Variants in FMN1 observed in about 807,000 individuals in gnomAD.
FMN1 encodes formin 1.
A neutral mutation model predicts 132.4 loss-of-function variants in FMN1; 110 were observed. The ratio of observed to expected loss-of-function variants is 0.83; its 90% CI spans 0.71 to 0.97. FMN1 has a LOEUF of 0.97. Among genes scored for constraint, FMN1 ranks in the 50% least tolerant of loss-of-function variants. The pLI, the probability that FMN1 is intolerant of heterozygous loss-of-function variation, is 0.00. For synonymous variants in FMN1, 722 were observed against 651.7 expected, an observed-to-expected ratio of 1.11 and a Z score of -1.64; for missense variants, 1,792 against 1,705.3, an observed-to-expected ratio of 1.05 and a Z score of -0.90.
intron 17 of FMN1, among the ~76,000 whole-genome samples, chr15:32,823,453 T>A (rs561850520): frequency 3.9e-5 from 6 of 152,080 alleles, no homozygotes; most frequent in Admixed American, 1.3e-4. Context: ...TGTGAGCCAC[T>A]GCGCCCGGCC....
At chr15:32,921,963 G>A (rs558922473) in intron 10 of FMN1, among the ~76,000 whole-genome samples, 28 of 152,134 alleles carry the variant, frequency 1.8e-4, no homozygotes, top group African/African-American at 6.7e-4. Flanking sequence ...TGTTTTTCAC[G>A]TTTTGTTTCA....
intron 3 of FMN1, among the ~76,000 whole-genome samples, chr15:33,158,619 C>T (rs1260916025): frequency 2.0e-5 from 3 of 152,074 alleles, no homozygotes; most frequent in Non-Finnish European, 4.4e-5. Flanking sequence ...TTGTTCTGGG[C>T]CCTGGGAAGC....
intron 6 of FMN1, among the ~76,000 whole-genome samples, chr15:33,022,160 C>T (rs1409284285): frequency 6.6e-6 from 1 of 152,204 alleles, no homozygotes; most frequent in Non-Finnish European, 1.5e-5. Context: ...AATACAACGT[C>T]AATGCTATGT....
chr15:33,088,229 T>TA (rs908477350), intron 5 of FMN1, among the ~76,000 whole-genome samples: 117 of 151,832 alleles, frequency 7.7e-4, no homozygotes, highest in African/African-American at 2.6e-3. Flanking sequence ...TTAAAAAATT[T>TA]AAAAAAAACT....
At chr15:32,777,475 A>ATT (rs1567149051) in intron 19 of FMN1, among the ~76,000 whole-genome samples, 1 of 99,414 alleles carries the variant, frequency 1.0e-5, no homozygotes, top group African/African-American at 3.5e-5. Flanking sequence ...ACGTATATTT[A>ATT]TATATTATAT....
At position 32,815,109 on chromosome 15, in the gene FMN1, A is replaced by T. The variant is rs558970101; in HGVS notation, c.3929-10777T>A. Among the ~76,000 whole-genome samples the T allele has an allele frequency of 8.8e-3, 1,331 of 151,746 alleles. 18 individuals are homozygous for T. Among genetic ancestry groups the T allele is most frequent in the African/African-American group, 0.031 (1,273 of 41,346 alleles). On this transcript the variant is annotated intron_variant, in intron 17 of 20. Coordinates refer to ENST00000616417, the MANE Select transcript of FMN1 (RefSeq NM_001277313.2). ...AGGTGCCCGCCACCACGCCCGGCTA[A>T]TTTTTTGTATTTTTAGTAGAGATGG...
chr15:32,963,391 T>C (rs1005476994), intron 9 of FMN1, among the ~76,000 whole-genome samples: 1 of 151,812 alleles, frequency 6.6e-6, no homozygotes, highest in African/African-American at 2.4e-5. Context: ...ATATACCTAA[T>C]GCTAGATGAC....
intron 19 of FMN1, among the ~76,000 whole-genome samples, chr15:32,789,486 C>T (rs548048073): frequency 4.6e-5 from 7 of 152,296 alleles, no homozygotes; most frequent in African/African-American, 1.7e-4. Flanking sequence ...AATGACATTT[C>T]GGTCAAAGAC....
At chr15:32,969,583 C>T (rs2140663566) in intron 7 of FMN1, 106 bp from the exon 8 acceptor site, 1 of 1,244,980 alleles carries the variant, frequency 8.0e-7, no homozygotes, top group Non-Finnish European at 1.1e-6. Flanking sequence ...GCATGGCCCA[C>T]ATAAATGCAG....
intron 18 of FMN1, among the ~76,000 whole-genome samples, chr15:32,802,159 A>G (rs752116443): frequency 6.6e-6 from 1 of 152,188 alleles, no homozygotes; most frequent in Non-Finnish European, 1.5e-5. Context: ...GTTTTATATA[A>G]CTTTTTCATT....
chr15:33,093,450 C>T (rs1287709528), intron 4 of FMN1, among the ~76,000 whole-genome samples: 2 of 152,112 alleles, frequency 1.3e-5, no homozygotes, highest in Non-Finnish European at 2.9e-5. Context: ...GGATGTGTGG[C>T]TGTGTGTGTA....
rs67121672 is a variant in FMN1, at chr15:32,940,391, TTGTGTGTGTGTG to T, written c.3139-14142_3139-14131del. On this transcript the variant is annotated intron_variant, in intron 9 of 20. Coordinates refer to ENST00000616417, the MANE Select transcript of FMN1 (RefSeq NM_001277313.2). ...ATGTCTACTGCAAACAAAATAAAAA[TTGTGTGTGTGTG>T]TGTGTGTGTGTGTGTGTGTGTGTGT... Among the ~76,000 whole-genome samples, 1,037 of 145,398 alleles carry T rather than the reference TTGTGTGTGTGTG, an allele frequency of 7.1e-3. 11 individuals carry two copies. The highest frequency in any genetic ancestry group is 0.024 in the African/African-American group (944 of 40,008).
At chr15:33,013,196 A>C (rs1413409188) in intron 6 of FMN1, 14 of 330,742 alleles carry the variant, frequency 4.2e-5, no homozygotes, top group Non-Finnish European at 6.9e-5. Context: ...GCTACAAAGA[A>C]GACATGTTTT....
chr15:33,035,643 C>T (rs956484592), intron 6 of FMN1, among the ~76,000 whole-genome samples: 2 of 152,172 alleles, frequency 1.3e-5, no homozygotes, highest in South Asian at 4.1e-4. Flanking sequence ...CCCTAACCAT[C>T]CTATTTAAAA....
chr15:32,793,482 T>C (rs977788692), intron 19 of FMN1, among the ~76,000 whole-genome samples: 47 of 152,276 alleles, frequency 3.1e-4, no homozygotes, highest in Admixed American at 1.3e-4. Context: ...GGTTTCACCA[T>C]GTTGGCCAGG....
At chr15:32,926,573 T>C (rs2060967173) in intron 9 of FMN1, among the ~76,000 whole-genome samples, 1 of 152,228 alleles carries the variant, frequency 6.6e-6, no homozygotes, top group Admixed American at 6.5e-5. Context: ...ATGTACAGAA[T>C]GTGGTATCCA....
intron 16 of FMN1, among the ~76,000 whole-genome samples, chr15:32,870,261 G>T (rs982367153): frequency 6.6e-6 from 1 of 152,142 alleles, no homozygotes; most frequent in Admixed American, 6.5e-5. Flanking sequence ...ATATTCTCTA[G>T]GGCTACTTTG....
intron 6 of FMN1, among the ~76,000 whole-genome samples, chr15:33,055,116 T>G (rs2037157773): frequency 6.6e-6 from 1 of 152,088 alleles, no homozygotes; most frequent in Non-Finnish European, 1.5e-5. Flanking sequence ...ATATAGACCT[T>G]AAGTCTGATA....
At chr15:33,082,346 A>C (rs1262462891) in intron 5 of FMN1, among the ~76,000 whole-genome samples, 4 of 152,076 alleles carry the variant, frequency 2.6e-5, no homozygotes, top group Non-Finnish European at 5.9e-5. Context: ...GTGTTTTAAA[A>C]GCTGGCATGC....
Sources: gnomAD v4.1 joint callset for allele counts (sites outside exome capture counted in the v4.1 genomes callset) on GRCh38, gnomAD v4.1.1 for gene constraint, MANE v1.5 for transcripts, NCBI Gene and HGNC (gene_info 2026-07-23, HGNC 2026-07-21) for gene names.